Variants in RNF150 observed in about 807,000 individuals in gnomAD.
RNF150 encodes the protein ring finger protein 150.
RNF150 carries 24 observed loss-of-function variants against 39.3 expected under a neutral mutation model. The observed-to-expected ratio is 0.61, with a 90% confidence interval of 0.44 to 0.86. The LOEUF (loss-of-function observed/expected upper bound fraction) is 0.86, where lower values mean the gene tolerates loss of function less well. RNF150 is among the 40% of genes least tolerant of loss of function. The pLI, the probability that RNF150 is intolerant of heterozygous loss-of-function variation, is 0.00. For synonymous variants in RNF150, 255 were observed against 227.3 expected (o/e 1.12, Z -1.10); for missense variants, 502 against 587.8 (o/e 0.85, Z 1.51).
intron 6 of RNF150, among the ~76,000 whole-genome samples, chr4:140,871,033 C>A (rs1728917848): frequency 1.3e-5 from 2 of 151,886 alleles, no homozygotes; most frequent in African/African-American, 2.4e-5. Flanking sequence ...CACACACACA[C>A]ACACACTTTA....
chr4:141,016,778 TC>T (rs1319696545), intron 1 of RNF150, among the ~76,000 whole-genome samples: 1 of 152,180 alleles, frequency 6.6e-6, no homozygotes, highest in African/African-American at 2.4e-5. Flanking sequence ...GCCTTGGCTC[TC>T]CTCTCCTCTC....
chr4:140,953,705 A>C (rs912772038), intron 2 of RNF150, among the ~76,000 whole-genome samples: 1 of 152,128 alleles, frequency 6.6e-6, no homozygotes, highest in Non-Finnish European at 1.5e-5. Context: ...TTACACAAAG[A>C]AAAAAAGTAC....
chr4:141,089,638 C>G (rs1738502408), intron 1 of RNF150, among the ~76,000 whole-genome samples: 1 of 152,126 alleles, frequency 6.6e-6, no homozygotes, highest in African/African-American at 2.4e-5. Flanking sequence ...CTACCCAATT[C>G]ATAATGAAGA....
At chr4:141,204,428 GTTC>G (rs1728341904) in intron 1 of RNF150, among the ~76,000 whole-genome samples, 1 of 152,154 alleles carries the variant, frequency 6.6e-6, no homozygotes, top group Admixed American at 6.5e-5. Flanking sequence ...TTGCCTTCAT[GTTC>G]TTCTTAGACA....
intron 1 of RNF150, among the ~76,000 whole-genome samples, chr4:141,076,869 C>T (rs1272666585): frequency 6.6e-6 from 1 of 152,030 alleles, no homozygotes; most frequent in Non-Finnish European, 1.5e-5. Context: ...TAGTGAAGGG[C>T]AGTTTCTCGC....
intron 1 of RNF150, among the ~76,000 whole-genome samples, chr4:141,012,894 A>G (rs1348275854): frequency 6.6e-6 from 1 of 151,154 alleles, no homozygotes; most frequent in African/African-American, 2.4e-5. Context: ...GGGAAGTAAT[A>G]TTAATTGAGT....
chr4:141,014,526 G>T (rs1338209886), intron 1 of RNF150, among the ~76,000 whole-genome samples: 1 of 152,152 alleles, frequency 6.6e-6, no homozygotes, highest in Non-Finnish European at 1.5e-5. Context: ...TTTGATAAAA[G>T]CAATTTTAAC....
intron 1 of RNF150, among the ~76,000 whole-genome samples, chr4:140,989,498 AAG>A (rs1457263553): frequency 6.6e-6 from 1 of 152,072 alleles, no homozygotes. Context: ...CCAAGACAAA[AAG>A]AGAGTGGGTG....
chr4:141,096,086 A>T (rs1207015885), intron 1 of RNF150, among the ~76,000 whole-genome samples: 1 of 151,312 alleles, frequency 6.6e-6, no homozygotes, highest in East Asian at 1.9e-4. Context: ...GGCCACATTT[A>T]CTTCTTATTT....
intron 5 of RNF150, among the ~76,000 whole-genome samples, chr4:140,917,058 G>C (rs1730864542): frequency 6.6e-6 from 1 of 152,166 alleles, no homozygotes; most frequent in South Asian, 2.1e-4. Context: ...AACATGGAAA[G>C]GAACAACTGG....
rs369790675 is a variant in RNF150, at chr4:141,203,076, T to TATATATATAC, written c.-6+9717_-6+9718insGTATATATAT. Among the ~76,000 whole-genome samples, 36 of 133,014 alleles carry TATATATATAC rather than the reference T, an allele frequency of 2.7e-4. 1 individual carries two copies. Among genetic ancestry groups the TATATATATAC allele is most frequent in the African/African-American group, 9.9e-4 (33 of 33,252 alleles). 87.3% of individuals were successfully genotyped at this position (133,014 alleles called of 152,430 possible). A position where few individuals can be genotyped will look rare whatever the true frequency, so the allele number is the denominator to read the frequency against. ...GAGATTTTATATATATATATATATA[T>TATATATATAC]ACACACATATATGAGATATATAATC... On this transcript the variant is annotated intron_variant, in intron 1 of 7. Coordinates refer to the RNF150 transcript ENST00000420921.
At chr4:141,016,319 C>T (rs1735271256) in intron 1 of RNF150, among the ~76,000 whole-genome samples, 1 of 152,208 alleles carries the variant, frequency 6.6e-6, no homozygotes, top group East Asian at 1.9e-4. Flanking sequence ...AAGCACCTCT[C>T]CATAAGACAC....
chr4:141,052,212 T>A (rs1227639667), intron 1 of RNF150, among the ~76,000 whole-genome samples: 1 of 152,018 alleles, frequency 6.6e-6, no homozygotes, highest in Non-Finnish European at 1.5e-5. Context: ...GAGATTTGGG[T>A]GGGGACACAG....
At chr4:141,176,008 T>G (rs1727804252) in intron 1 of RNF150, among the ~76,000 whole-genome samples, 2 of 151,926 alleles carry the variant, frequency 1.3e-5, no homozygotes, top group South Asian at 4.2e-4. Context: ...CCTCAGCTTC[T>G]CGAGTAGCTG....
intron 1 of RNF150, among the ~76,000 whole-genome samples, chr4:141,173,661 T>C (rs1314804182): frequency 6.6e-6 from 1 of 152,192 alleles, no homozygotes; most frequent in African/African-American, 2.4e-5. Context: ...AGGAGAAGAC[T>C]GAGTACATTG....
chr4:141,176,944 G>T (rs1727823182), intron 1 of RNF150, among the ~76,000 whole-genome samples: 1 of 151,724 alleles, frequency 6.6e-6, no homozygotes, highest in South Asian at 2.1e-4. Context: ...GGCTGGCCAT[G>T]GTGGTTCACA....
intron 1 of RNF150, among the ~76,000 whole-genome samples, chr4:141,116,956 A>T (rs1472822317): frequency 6.6e-6 from 1 of 151,804 alleles, no homozygotes; most frequent in Non-Finnish European, 1.5e-5. Flanking sequence ...ACACATGAAC[A>T]CAGGAAGGGG....
intron 2 of RNF150, among the ~76,000 whole-genome samples, chr4:140,956,994 G>A (rs1243290370): frequency 6.7e-6 from 1 of 149,452 alleles, no homozygotes; most frequent in African/African-American, 2.5e-5. Flanking sequence ...CATAGGCATG[G>A]GCAAGGACTT....
intron 1 of RNF150, among the ~76,000 whole-genome samples, chr4:141,000,194 C>T (rs1468422161): frequency 1.3e-5 from 2 of 151,968 alleles, no homozygotes; most frequent in East Asian, 1.9e-4. Flanking sequence ...TCAGGAGCTA[C>T]AATAAACTTG....
Sources: gnomAD v4.1 joint callset for allele counts (sites outside exome capture counted in the v4.1 genomes callset) on GRCh38, gnomAD v4.1.1 for gene constraint, MANE v1.5 for transcripts, NCBI Gene and HGNC (gene_info 2026-07-23, HGNC 2026-07-21) for gene names.